UGT2B15: variants seen among roughly 807,000 people sequenced by gnomAD.
UGT2B15 encodes UDP glucuronosyltransferase family 2 member B15.
In UGT2B15, 36 loss-of-function variants were observed where a neutral mutation model predicts 45.9. The observed-to-expected ratio is 0.78, with a 90% CI of 0.60 to 1.04. The LOEUF is 1.04. Ranked by LOEUF, UGT2B15 falls within the 50% of genes least tolerant of loss-of-function variation. The probability of loss-of-function intolerance (pLI) is 0.00; values close to 1 mark genes in which losing one functional copy is unlikely to be tolerated. For synonymous variants in UGT2B15, 219 were observed against 216.4 expected (o/e 1.01, Z -0.11); for missense variants, 617 against 622.4 (o/e 0.99, Z 0.09).
intron 3 of UGT2B15, among the ~76,000 whole-genome samples, chr4:68,655,897 G>T (rs531552414): frequency 6.6e-5 from 10 of 151,996 alleles, no homozygotes; most frequent in South Asian, 2.1e-4. Context: ...TATATTCAGG[G>T]TTCATATTTT....
At chr4:68,664,330 C>T (rs951279089) in intron 2 of UGT2B15, among the ~76,000 whole-genome samples, 4 of 149,970 alleles carry the variant, frequency 2.7e-5, no homozygotes, top group African/African-American at 9.8e-5. Flanking sequence ...TCCTGGATAT[C>T]ATATCAAAAT....
Position 68,669,974 on chromosome 4 carries a change from C to G in UGT2B15, c.645G>C (p.Met215Ile). ...QMIFMERIKN[M>I]IHMLYFDFWF... is the part of the protein sequence containing the mutation. The stretch of plus-strand genomic sequence containing the variant: ...AAAAGTCAAAATAAAGCATATGTAT[C>G]ATATTTTTTATCCTCTCCATGAAAA... The change falls in exon 1 of 6, where the codon ATG (methionine) becomes ATC (isoleucine). Residue 215 changes from methionine to isoleucine, a missense_variant. Physicochemically the swap from Met to Ile is conservative, Grantham distance 10. Around this residue, in one of 3 missense-constraint regions of UGT2B15, gnomAD observed 351 missense variants for 342.1 expected, o/e 1.03. Transcript: ENST00000338206. 6.2e-7 allele frequency: 1 copy of G among 1,613,782 alleles called. No homozygotes were observed. Among genetic ancestry groups the G allele is most frequent in the Non-Finnish European group, 8.5e-7 (1 of 1,179,934 alleles).
At position 68,655,119 on chromosome 4, in the gene UGT2B15, A is replaced by G. The variant is rs1732766088; in HGVS notation, c.1069T>C (p.Trp357Arg). 21 of 1,613,390 alleles carry G rather than the reference A, an allele frequency of 1.3e-5. No homozygotes were observed. Among genetic ancestry groups the G allele is most frequent in the Non-Finnish European group, 1.8e-5 (21 of 1,179,602 alleles). ...CCAAGAAGGTCATTCTGGGGTAACC[A>G]CTTGTACAGTCGAGTATTGGAACCT... is the stretch of plus-strand genomic sequence containing the variant. ...TLGSNTRLYK[W>R]LPQNDLLGHP... The change falls in exon 4 of 6, where the codon TGG becomes CGG. Residue 357 changes from tryptophan to arginine, a missense_variant. By Grantham distance (101) the Trp-to-Arg change is moderately radical. This residue lies in a region of UGT2B15 where 265 missense variants were observed against 245.1 expected (regional missense o/e 1.08). Coordinates refer to ENST00000338206, the MANE Select transcript of UGT2B15 (RefSeq NM_001076.4).
intron 2 of UGT2B15, among the ~76,000 whole-genome samples, chr4:68,664,989 T>C (rs555035343): frequency 6.6e-6 from 1 of 152,264 alleles, no homozygotes; most frequent in African/African-American, 2.4e-5. Flanking sequence ...CAATGTTTTG[T>C]CTCATTCACT....
Position 68,666,752 on chromosome 4 carries a change from AT to A in UGT2B15, c.873+1287del, listed in dbSNP as rs775748401. On this transcript the variant is annotated intron_variant, in intron 2 of 5. Coordinates refer to ENST00000338206, the MANE Select transcript of UGT2B15 (RefSeq NM_001076.4). ...AAATTACATATATATATATATATAT[AT>A]TTTTTTTTTTTGAGACAGATTCTCA... Among the ~76,000 whole-genome samples the A allele has an allele frequency of 6.1e-3, 776 of 127,852 alleles. 10 individuals carry two copies. The highest frequency in any genetic ancestry group is 0.019 in the African/African-American group (645 of 33,370). 83.9% of individuals were successfully genotyped at this position (127,852 alleles called of 152,430 possible).
Position 68,646,707 on chromosome 4 carries a change from C to G in UGT2B15, c.*397G>C, listed in dbSNP as rs1170970161. On this transcript the variant is annotated 3_prime_UTR_variant, in exon 6 of 6. Transcript: ENST00000338206. ...TGTTTCCATGTTCACATTTTCCTTC[C>G]TGGTTTAAAAAAAAGAGTTGTATTT... The G allele has an allele frequency of 1.4e-5, 2 of 146,068 alleles. No individual in the cohort carries two copies. The highest frequency in any genetic ancestry group is 5.2e-5 in the African/African-American group (2 of 38,812). The allele number at this position is 146,068 out of a possible 1,614,324, so 9.0% of individuals were successfully genotyped here. A position where few individuals can be genotyped will look rare whatever the true frequency, so the allele number is the denominator to read the frequency against.
At position 68,670,426 on chromosome 4, in the gene UGT2B15, T is replaced by C; in HGVS notation, c.193A>G (p.Asn65Asp). 1 of 1,613,822 alleles carries C rather than the reference T, an allele frequency of 6.2e-7. No homozygotes were observed. Among genetic ancestry groups the C allele is most frequent in the Non-Finnish European group, 8.5e-7 (1 of 1,179,964 alleles). The change falls in exon 1 of 6, where the codon AAT (asparagine) becomes GAT (aspartate). Residue 65 changes from asparagine (N) to aspartate (D), a missense_variant. Around this residue, in one of 3 missense-constraint regions of UGT2B15, gnomAD observed 351 missense variants for 342.1 expected, o/e 1.03. Transcript: ENST00000338206. ...TTAATAGCAGATGATTTACTGGCAT[T>C]GACAAGAGTAGAAGCCGAAGATGTC... ...VLTSSASTLVNASKSSAIKLE... is the reference protein window; with the variant it reads ...VLTSSASTLVDASKSSAIKLE...
intron 5 of UGT2B15, among the ~76,000 whole-genome samples, chr4:68,648,687 C>T (rs1732556523): frequency 6.6e-6 from 1 of 152,096 alleles, no homozygotes; most frequent in African/African-American, 2.4e-5. Context: ...CAATTTATCA[C>T]AAACTGCATA....
chr4:68,664,654 C>A (rs12500760), intron 2 of UGT2B15, among the ~76,000 whole-genome samples: 30,856 of 151,740 alleles, frequency 0.2, 3,804 homozygotes, highest in South Asian at 0.38. Context: ...GCAACCTCTG[C>A]CTCCCAGGTT....
At chr4:68,667,233 G>A (rs1733165082) in intron 2 of UGT2B15, among the ~76,000 whole-genome samples, 1 of 151,588 alleles carries the variant, frequency 6.6e-6, no homozygotes, top group Non-Finnish European at 1.5e-5. Context: ...TGTGGTCTCA[G>A]CTCACTGCAG....
chr4:68,655,083 C>T lies in UGT2B15; in HGVS notation c.1093+12G>A, dbSNP rs140200245. On this transcript the variant is annotated intron_variant, in intron 4 of 5. Transcript: ENST00000338206. ...TACTAATATATTCACTGTTTGTTCT[C>T]CAGAATCTTACCAAGAAGGTCATTC... is the stretch of plus-strand genomic sequence containing the variant. 6 of 1,611,794 alleles carry T rather than the reference C, an allele frequency of 3.7e-6. No individual in the cohort carries two copies. The highest frequency in any genetic ancestry group is 5.1e-6 in the Non-Finnish European group (6 of 1,178,816).
At chr4:68,649,751 A>G (rs986828799) in intron 5 of UGT2B15, among the ~76,000 whole-genome samples, 3 of 152,078 alleles carry the variant, frequency 2.0e-5, no homozygotes, top group Non-Finnish European at 2.9e-5. Context: ...CTTAAATAAA[A>G]TATTTCAAAG....
At position 68,670,132 on chromosome 4, in the gene UGT2B15, CAGCCAGT is replaced by C. The variant is rs1359605373; in HGVS notation, c.480_486del (p.Leu161AsnfsTer40). ...TACAGAAAGGGTATGTTAAATAGTT[CAGCCAGT>C]AGCTCACCACAGGGATTAAGGGCAT... On this transcript the variant is annotated frameshift_variant, in exon 1 of 6. Transcript: ENST00000338206. LOFTEE classifies it high-confidence loss of function. 6.2e-7 allele frequency: 1 copy of C among 1,613,952 alleles called. No individual in the cohort carries two copies. Among genetic ancestry groups the C allele is most frequent in the Non-Finnish European group, 8.5e-7 (1 of 1,179,994 alleles).
chr4:68,668,299 A>T (rs1733202712), intron 1 of UGT2B15, 111 bp from the exon 2 acceptor site: 1 of 1,496,962 alleles, frequency 6.7e-7, no homozygotes, highest in Non-Finnish European at 9.0e-7. Context: ...AACATATATA[A>T]AATGTCTGTG....
At chr4:68,666,269 G>A (rs2109834749) in intron 2 of UGT2B15, among the ~76,000 whole-genome samples, 1 of 152,166 alleles carries the variant, frequency 6.6e-6, no homozygotes, top group African/African-American at 2.4e-5. Flanking sequence ...ATTTAAACAA[G>A]TACACAGAGT....
rs1295762495 is a variant in UGT2B15, at chr4:68,646,680, G to A, written c.*424C>T. ...TTTATTTTCAGATCCAATACTAGAA[G>A]TTGTTTCCATGTTCACATTTTCCTT... On this transcript the variant is annotated 3_prime_UTR_variant, in exon 6 of 6. Coordinates refer to ENST00000338206, the MANE Select transcript of UGT2B15 (RefSeq NM_001076.4). The A allele has an allele frequency of 6.8e-6, 1 of 147,080 alleles. No individual in the cohort carries two copies. Among genetic ancestry groups the A allele is most frequent in the Non-Finnish European group, 1.5e-5 (1 of 67,692 alleles). The allele number at this position is 147,080 out of a possible 1,614,324, so 9.1% of individuals were successfully genotyped here. A position where few individuals can be genotyped will look rare whatever the true frequency, so the allele number is the denominator to read the frequency against.
chr4:68,648,651 T>A (rs1732555539), intron 5 of UGT2B15, among the ~76,000 whole-genome samples: 1 of 152,116 alleles, frequency 6.6e-6, no homozygotes, highest in Non-Finnish European at 1.5e-5. Flanking sequence ...AAGATTATCT[T>A]AAACATTATC....
At chr4:68,648,667 G>A (rs1487318352) in intron 5 of UGT2B15, among the ~76,000 whole-genome samples, 5 of 152,006 alleles carry the variant, frequency 3.3e-5, no homozygotes, top group African/African-American at 1.2e-4. Flanking sequence ...TTATCCCAAA[G>A]TGAAGACACC....
At chr4:68,664,664 T>TCC (rs1310931903) in intron 2 of UGT2B15, among the ~76,000 whole-genome samples, 1 of 151,866 alleles carries the variant, frequency 6.6e-6, no homozygotes, top group Non-Finnish European at 1.5e-5. Context: ...CCTCCCAGGT[T>TCC]AAAGCAATTC....
Sources: gnomAD v4.1 joint callset for allele counts (sites outside exome capture counted in the v4.1 genomes callset) on GRCh38, gnomAD v4.1.1 for gene constraint, gnomAD v4.1.1 regional missense constraint, MANE v1.5 for transcripts, NCBI Gene and HGNC (gene_info 2026-07-23, HGNC 2026-07-21) for gene names.